Variants in SMIM13 observed in about 807,000 individuals in gnomAD.
The protein encoded by SMIM13 is small integral membrane protein 13.
A neutral mutation model predicts 5.9 loss-of-function variants in SMIM13; 3 were observed. The observed-to-expected ratio is 0.51, with a 90% CI of 0.23 to 1.31. The LOEUF (loss-of-function observed/expected upper bound fraction) is 1.31. Among genes scored for constraint, SMIM13 ranks in the 40% most tolerant of loss-of-function variants. SMIM13 has a pLI of 0.18. For synonymous variants in SMIM13, 55 were observed against 46.0 expected, an observed-to-expected ratio of 1.19 and a Z score of -0.79; for missense variants, 85 against 109.9, an observed-to-expected ratio of 0.77 and a Z score of 1.01.
chr6:11,121,752 A>C (rs998745076), intron 1 of SMIM13, among the ~76,000 whole-genome samples: 1 of 152,212 alleles, frequency 6.6e-6, no homozygotes, highest in East Asian at 1.9e-4. Flanking sequence ...ACATTCTATT[A>C]ACCAGACATA....
rs1213274212 is a variant in SMIM13, at chr6:11,094,217, G to T, written c.-97G>T. ...CCATGCCGCCCCGGCGCCCAGCCGCGCCTGGCGCCCGCCGCTGAAGCGCAG... is the reference window on the plus strand; with the variant it reads ...CCATGCCGCCCCGGCGCCCAGCCGCTCCTGGCGCCCGCCGCTGAAGCGCAG... On this transcript the variant is annotated 5_prime_UTR_variant, in exon 1 of 2. Transcript: ENST00000416247. The T allele has an allele frequency of 1.9e-6, 1 of 515,566 alleles. No individual in the cohort carries two copies. The highest frequency in any genetic ancestry group is 2.1e-5 in the African/African-American group (1 of 48,072). The allele number at this position is 515,566 out of a possible 1,614,324, so 31.9% of individuals were successfully genotyped here.
intron 1 of SMIM13, among the ~76,000 whole-genome samples, chr6:11,112,689 C>T (rs530848698): frequency 6.6e-6 from 1 of 152,192 alleles, no homozygotes; most frequent in Non-Finnish European, 1.5e-5. Context: ...GTAATACATT[C>T]TTTTGTATTG....
At chr6:11,100,941 C>A (rs1051661714) in intron 1 of SMIM13, among the ~76,000 whole-genome samples, 3 of 151,112 alleles carry the variant, frequency 2.0e-5, no homozygotes, top group Non-Finnish European at 2.9e-5. Flanking sequence ...GTGTCTCTTT[C>A]ATTTTTCTAG....
intron 1 of SMIM13, among the ~76,000 whole-genome samples, chr6:11,117,864 C>T (rs1399877853): frequency 6.6e-6 from 1 of 152,104 alleles, no homozygotes; most frequent in Non-Finnish European, 1.5e-5. Flanking sequence ...ATTCTTGTGC[C>T]TCAGCCTTGC....
intron 1 of SMIM13, among the ~76,000 whole-genome samples, chr6:11,095,863 T>C (rs1264263623): frequency 2.0e-5 from 3 of 152,198 alleles, no homozygotes; most frequent in Admixed American, 2.0e-4. Context: ...CCTTGTGATA[T>C]GTTTGGATGT....
intron 1 of SMIM13, among the ~76,000 whole-genome samples, chr6:11,113,511 G>GT (rs1171532129): frequency 1.3e-5 from 2 of 151,852 alleles, no homozygotes; most frequent in Non-Finnish European, 2.9e-5. Context: ...CTGGATACAA[G>GT]TTTTTTTTGT....
At chr6:11,122,987 TCACTTGAAC>T (rs1307691938) in intron 1 of SMIM13, among the ~76,000 whole-genome samples, 1 of 151,990 alleles carries the variant, frequency 6.6e-6, no homozygotes, top group Admixed American at 6.5e-5. Flanking sequence ...GGCGGGAGAA[TCACTTGAAC>T]CAGGAGTTTG....
At chr6:11,114,471 A>G (rs1441382273) in intron 1 of SMIM13, among the ~76,000 whole-genome samples, 1 of 151,274 alleles carries the variant, frequency 6.6e-6, no homozygotes, top group Non-Finnish European at 1.5e-5. Flanking sequence ...AAGTTTAGGA[A>G]GAAAACTTCC....
intron 1 of SMIM13, among the ~76,000 whole-genome samples, 191 bp from the exon 2 acceptor site, chr6:11,134,212 T>G (rs965944417): frequency 6.6e-6 from 1 of 152,206 alleles, no homozygotes; most frequent in Non-Finnish European, 1.5e-5. Context: ...AGAGACTGTT[T>G]TTGTCATTAC....
At chr6:11,100,838 CATT>C (rs956473621) in intron 1 of SMIM13, among the ~76,000 whole-genome samples, 2 of 152,134 alleles carry the variant, frequency 1.3e-5, no homozygotes, top group African/African-American at 4.8e-5. Context: ...GTTTCCTTGT[CATT>C]ATACATGACT....
intron 1 of SMIM13, chr6:11,103,660 C>A: frequency 1.3e-6 from 2 of 1,511,588 alleles, no homozygotes; most frequent in Non-Finnish European, 1.8e-6. Flanking sequence ...TCGCCTCTGT[C>A]GTGTTCCACT....
intron 1 of SMIM13, among the ~76,000 whole-genome samples, chr6:11,100,033 T>G (rs947732060): frequency 1.3e-5 from 2 of 152,158 alleles, no homozygotes; most frequent in African/African-American, 2.4e-5. Context: ...CTAGTATTAC[T>G]TTGGTACATT....
rs921628728 is a variant in SMIM13, at chr6:11,094,396, G to T, written c.76+7G>T. 5.9e-6 allele frequency: 9 copies of T among 1,533,850 alleles called. No individual in the cohort carries two copies. The highest frequency in any genetic ancestry group is 7.9e-6 in the Non-Finnish European group (9 of 1,141,928). On this transcript the variant is annotated splice_region_variant and intron_variant, in intron 1 of 1. Coordinates refer to ENST00000416247, the MANE Select transcript of SMIM13 (RefSeq NM_001135575.2). ...CTGCTGCTGATGGTGTGCGGTGAGT[G>T]GGGGCGGTAGCCGCGAGGCAGTTCC...
chr6:11,107,600 G>T (rs1758105420), intron 1 of SMIM13, among the ~76,000 whole-genome samples: 1 of 152,204 alleles, frequency 6.6e-6, no homozygotes, highest in African/African-American at 2.4e-5. Context: ...GGGAGGATGG[G>T]TCGAGGGGGA....
Position 11,104,637 on chromosome 6 carries a change from G to T in SMIM13, c.76+10248G>T, listed in dbSNP as rs747563224. 10 of 1,614,058 alleles carry T rather than the reference G, an allele frequency of 6.2e-6. No individual in the cohort carries two copies. In the Admixed American group the frequency reaches 1.5e-4, roughly 24 times the overall value. ...AGTTTGGTCCAATAGAACCCATTCC[G>T]CTGTAGAGCTGAGGTTGGAAATTTG... On this transcript the variant is annotated intron_variant, in intron 1 of 1. Coordinates refer to ENST00000416247, the MANE Select transcript of SMIM13 (RefSeq NM_001135575.2).
At chr6:11,112,494 C>G (rs1240228199) in intron 1 of SMIM13, among the ~76,000 whole-genome samples, 1 of 152,190 alleles carries the variant, frequency 6.6e-6, no homozygotes, top group African/African-American at 2.4e-5. Flanking sequence ...CTCAAGTGAT[C>G]TGCTGTCCTT....
chr6:11,104,952 AT>A (rs765650768), intron 1 of SMIM13: 1 of 1,614,178 alleles, frequency 6.2e-7, no homozygotes, highest in Non-Finnish European at 8.5e-7. Flanking sequence ...GGCTATTCCC[AT>A]TAGGTTGATA....
chr6:11,124,857 T>A (rs1452577500), intron 1 of SMIM13, among the ~76,000 whole-genome samples: 1 of 152,136 alleles, frequency 6.6e-6, no homozygotes, highest in East Asian at 1.9e-4. Context: ...TTTTATCACT[T>A]GTAGGACAGG....
intron 1 of SMIM13, among the ~76,000 whole-genome samples, chr6:11,113,180 CAT>C (rs1186230284): frequency 1.3e-5 from 2 of 152,148 alleles, no homozygotes; most frequent in Non-Finnish European, 2.9e-5. Context: ...TTGGTGTAGA[CAT>C]ATGTTTTCAT....
Sources: gnomAD v4.1 joint callset for allele counts (sites outside exome capture counted in the v4.1 genomes callset) on GRCh38, gnomAD v4.1.1 for gene constraint, MANE v1.5 for transcripts, NCBI Gene and HGNC (gene_info 2026-07-23, HGNC 2026-07-21) for gene names.